OAF: variants seen among roughly 807,000 people sequenced by gnomAD.
OAF encodes out at first homolog.
OAF carries 13 observed loss-of-function variants against 22.5 expected under a neutral mutation model. The observed-to-expected ratio is 0.58, with a 90% confidence interval of 0.38 to 0.92. The LOEUF is 0.92. Ranked by LOEUF, OAF falls within the 40% of genes least tolerant of loss-of-function variation. The pLI, the probability that OAF is intolerant of heterozygous loss-of-function variation, is 0.00. For missense variants in OAF, 347 were observed against 381.8 expected (o/e 0.91, Z 0.76); for synonymous variants, 175 against 170.5 (o/e 1.03, Z -0.21).
In OAF at chr11:120,218,462, C is replaced by T. The variant is rs146039975; in HGVS notation, c.231+6952C>T. 6.8e-3 allele frequency among the ~76,000 whole-genome samples: 1,042 copies of T among 152,302 alleles called. 10 individuals are homozygous for T. Among genetic ancestry groups the T allele is most frequent in the African/African-American group, 0.024 (1,008 of 41,578 alleles). On this transcript the variant is annotated intron_variant, in intron 1 of 3. Coordinates refer to ENST00000328965, the MANE Select transcript of OAF (RefSeq NM_178507.4). ...GGCTCTGCAGGCTAAACCCCCTCTC[C>T]CCTCCCCAGCCCAGCGAAGCCAGCC... is the stretch of plus-strand genomic sequence containing the variant.
At chr11:120,221,754 C>G (rs1019189591) in intron 1 of OAF, among the ~76,000 whole-genome samples, 1 of 152,158 alleles carries the variant, frequency 6.6e-6, no homozygotes, top group African/African-American at 2.4e-5. Context: ...ACTATTTCCC[C>G]AGGGTACTTG....
intron 1 of OAF, chr11:120,217,209 A>G (rs1938224221): frequency 6.6e-6 from 1 of 152,232 alleles, no homozygotes; most frequent in African/African-American, 2.4e-5. Flanking sequence ...AGTGTTGGCT[A>G]CTTGGCCATG....
rs1411779102 is a variant in OAF at position 120,229,889 on chromosome 11, TG to T, written c.*748del. On this transcript the variant is annotated 3_prime_UTR_variant, in exon 4 of 4. Transcript: ENST00000328965. ...GAAAACTTGAATTCCAGATTTTTAG[TG>T]CAAAGTATTTATCATTTCTACCAGA... 2 of 152,596 alleles carry T rather than the reference TG, an allele frequency of 1.3e-5. No homozygotes were observed. The highest frequency in any genetic ancestry group is 2.9e-5 in the Non-Finnish European group (2 of 68,044). 9.5% of individuals were successfully genotyped at this position (152,596 alleles called of 1,614,324 possible).
At chr11:120,219,572 TCC>T (rs1248274100) in intron 1 of OAF, among the ~76,000 whole-genome samples, 1 of 151,982 alleles carries the variant, frequency 6.6e-6, no homozygotes, top group Admixed American at 6.5e-5. Flanking sequence ...CTCAGCGCAT[TCC>T]CCCAGTGCAG....
chr11:120,211,908 C>A (rs938533679), intron 1 of OAF, among the ~76,000 whole-genome samples: 1 of 92,016 alleles, frequency 1.1e-5, no homozygotes, highest in Non-Finnish European at 3.1e-5. Context: ...AAGCCTCTTT[C>A]CTCCTATGGG....
intron 1 of OAF, among the ~76,000 whole-genome samples, chr11:120,219,635 C>T (rs12222405): frequency 0.096 from 14,631 of 152,146 alleles, 1,411 homozygotes; most frequent in East Asian, 0.56. Context: ...CCCAGTCAGA[C>T]AGCATGGCTG....
chr11:120,217,022 C>T (rs1938221051), intron 1 of OAF: 1 of 152,226 alleles, frequency 6.6e-6, no homozygotes, highest in South Asian at 2.1e-4. Context: ...GACTGCCTGT[C>T]TGCCATGGTA....
intron 1 of OAF, among the ~76,000 whole-genome samples, chr11:120,220,207 C>A (rs1938262919): frequency 6.6e-6 from 1 of 152,138 alleles, no homozygotes; most frequent in Non-Finnish European, 1.5e-5. Context: ...TCCCTCATGT[C>A]ACCCCAGGCT....
intron 1 of OAF, among the ~76,000 whole-genome samples, chr11:120,221,118 A>G (rs988129946): frequency 4.6e-5 from 7 of 152,068 alleles, no homozygotes; most frequent in Non-Finnish European, 7.4e-5. Flanking sequence ...TCCACCCTTT[A>G]CCTCCATTGC....
At position 120,229,202 on chromosome 11, in the gene OAF, G is replaced by T; in HGVS notation, c.*60G>T. The T allele has an allele frequency of 4.6e-6, 7 of 1,522,038 alleles. No individual in the cohort carries two copies. The highest frequency in any genetic ancestry group is 5.4e-6 in the Non-Finnish European group (6 of 1,110,894). 94.3% of individuals were successfully genotyped at this position (1,522,038 alleles called of 1,614,324 possible). The stretch of plus-strand genomic sequence containing the variant: ...CCACTGCTCTTCACCAGCCACTAGA[G>T]GGGGTGGCAACCCCCACCTGAGGCC... On this transcript the variant is annotated 3_prime_UTR_variant, in exon 4 of 4. Coordinates refer to ENST00000328965, the MANE Select transcript of OAF (RefSeq NM_178507.4).
At chr11:120,213,587 G>C (rs1938177261) in intron 1 of OAF, 2 of 152,292 alleles carry the variant, frequency 1.3e-5, no homozygotes. Context: ...TGGAGTTGGA[G>C]AGTGCAGTGT....
At chr11:120,213,395 C>T (rs1018192575) in intron 1 of OAF, among the ~76,000 whole-genome samples, 1 of 152,096 alleles carries the variant, frequency 6.6e-6, no homozygotes, top group African/African-American at 2.4e-5. Context: ...CAGACCTCCA[C>T]CCAGGTTTCT....
Position 120,229,438 on chromosome 11 carries a change from C to G in OAF, c.*296C>G, listed in dbSNP as rs1331447078. ...GCATCTCCCCTGGAGTGTTCACTTGCAAGCTGCCAAAACATGATGGCCTCT... is the reference window on the plus strand; with the variant it reads ...GCATCTCCCCTGGAGTGTTCACTTGGAAGCTGCCAAAACATGATGGCCTCT... On this transcript the variant is annotated 3_prime_UTR_variant, in exon 4 of 4. Coordinates refer to ENST00000328965, the MANE Select transcript of OAF (RefSeq NM_178507.4). 2.7e-6 allele frequency: 1 copy of G among 370,062 alleles called. No individual in the cohort carries two copies. The highest frequency in any genetic ancestry group is 5.1e-6 in the Non-Finnish European group (1 of 195,116). 22.9% of individuals were successfully genotyped at this position (370,062 alleles called of 1,614,324 possible). A position where few individuals can be genotyped will look rare whatever the true frequency, so the allele number is the denominator to read the frequency against.
At position 120,229,258 on chromosome 11, in the gene OAF, C is replaced by G; in HGVS notation, c.*116C>G. The stretch of plus-strand genomic sequence containing the variant: ...TCCCTCCCTCCCCACTCCCCTGGCC[C>G]TAGAGCCTGGGCCCCTCTGGCCCCA... On this transcript the variant is annotated 3_prime_UTR_variant, in exon 4 of 4. Coordinates refer to ENST00000328965, the MANE Select transcript of OAF (RefSeq NM_178507.4). 1 of 981,204 alleles carries G rather than the reference C, an allele frequency of 1.0e-6. No homozygotes were observed. Among genetic ancestry groups the G allele is most frequent in the Non-Finnish European group, 1.5e-6 (1 of 664,460 alleles). 60.8% of individuals were successfully genotyped at this position (981,204 alleles called of 1,614,324 possible). A position where few individuals can be genotyped will look rare whatever the true frequency, so the allele number is the denominator to read the frequency against.
chr11:120,222,902 C>T (rs1938299627), intron 1 of OAF, among the ~76,000 whole-genome samples: 1 of 136,380 alleles, frequency 7.3e-6, no homozygotes, highest in African/African-American at 2.8e-5. Flanking sequence ...CAGAGTGAGA[C>T]TCTGTCTCAA....
At chr11:120,225,589 G>A in intron 1 of OAF, 72 bp from the exon 2 acceptor site, 2 of 1,422,226 alleles carry the variant, frequency 1.4e-6, no homozygotes, top group South Asian at 1.5e-5. Flanking sequence ...CAGGGGCCAA[G>A]CTGAGCACCC....
At position 120,229,002 on chromosome 11, in the gene OAF, A is replaced by G; in HGVS notation, c.682A>G (p.Met228Val). Reference sequence around the variant, plus strand: ...CCTGAGCCTGGCCTGGTACCCCTGCATGCTCAAGTACTGCCACAGCCGCGA... The same window carrying G: ...CCTGAGCCTGGCCTGGTACCCCTGCGTGCTCAAGTACTGCCACAGCCGCGA... ...YGLSLAWYPC[M>V]LKYCHSRDRP... Residue 228 changes from methionine to valine, a missense_variant, in exon 4 of 4, where the codon ATG becomes GTG. By Grantham distance (21) the Met-to-Val change is conservative (BLOSUM62 1). Coordinates refer to ENST00000328965, the MANE Select transcript of OAF (RefSeq NM_178507.4). 1 of 1,613,500 alleles carries G rather than the reference A, an allele frequency of 6.2e-7. No individual in the cohort carries two copies.
intron 1 of OAF, among the ~76,000 whole-genome samples, chr11:120,221,909 C>T (rs1938284402): frequency 6.6e-6 from 1 of 152,182 alleles, no homozygotes; most frequent in African/African-American, 2.4e-5. Context: ...GGGTCCTGAG[C>T]CTCAGGAGCC....
intron 1 of OAF, chr11:120,217,146 T>C (rs1938222766): frequency 6.6e-6 from 1 of 152,234 alleles, no homozygotes; most frequent in African/African-American, 2.4e-5. Context: ...GACCCTCGTT[T>C]GTACAGACTT....
Sources: allele counts gnomAD v4.1 joint callset (sites outside exome capture counted in the v4.1 genomes callset), GRCh38; gene constraint gnomAD v4.1.1; transcripts MANE v1.5; gene names NCBI Gene and HGNC (gene_info 2026-07-23, HGNC 2026-07-21).